Variants in OTOGL observed in about 807,000 individuals in gnomAD.
OTOGL encodes otogelin like.
OTOGL carries 285 observed loss-of-function variants against 318.5 expected under a neutral mutation model. The ratio of observed to expected loss-of-function variants is 0.89; its 90% CI spans 0.81 to 0.99. The LOEUF is 0.99. Ranked by LOEUF, OTOGL falls within the 50% of genes least tolerant of loss-of-function variation. The pLI is 0.00. For synonymous variants in OTOGL, 987 were observed against 936.5 expected, an observed-to-expected ratio of 1.05 and a Z score of -0.99; for missense variants, 2,899 against 2,845.6, an observed-to-expected ratio of 1.02 and a Z score of -0.43.
chr12:80,136,848 A>G (rs955458039), intron 1 of OTOGL, among the ~76,000 whole-genome samples: 4 of 151,768 alleles, frequency 2.6e-5, no homozygotes, highest in Admixed American at 2.6e-4. Context: ...TTGTTTATTT[A>G]TATTTATTTC....
chr12:80,299,381 C>T (rs1885609904), intron 27 of OTOGL, among the ~76,000 whole-genome samples: 1 of 152,146 alleles, frequency 6.6e-6, no homozygotes, highest in Non-Finnish European at 1.5e-5. Flanking sequence ...CAGTATGACA[C>T]ATCTTTGAAG....
intron 49 of OTOGL, among the ~76,000 whole-genome samples, chr12:80,357,791 G>C (rs1592752327): frequency 6.6e-6 from 1 of 152,216 alleles, no homozygotes; most frequent in African/African-American, 2.4e-5. Flanking sequence ...TTTAAAGATA[G>C]TCACTCAAAA....
At chr12:80,110,236 T>A (rs1869755591) in intron 1 of OTOGL, among the ~76,000 whole-genome samples, 1 of 152,074 alleles carries the variant, frequency 6.6e-6, no homozygotes, top group African/African-American at 2.4e-5. Flanking sequence ...CCCGGCTAAT[T>A]TTTTGTATTT....
rs572394743 is a variant in OTOGL at position 80,152,943 on chromosome 12, C to G, written c.-20+53338C>G. Among the ~76,000 whole-genome samples the G allele has an allele frequency of 2.2e-3, 336 of 152,332 alleles. 1 individual carries two copies. In the Middle Eastern group the frequency reaches 0.027, roughly 12 times the overall value. On this transcript the variant is annotated intron_variant, in intron 1 of 58. Coordinates refer to ENST00000547103, the MANE Select transcript of OTOGL (RefSeq NM_001378609.3). The stretch of plus-strand genomic sequence containing the variant: ...TCGTAACCTCAGGTGGTCCACCTGC[C>G]TCGGCCTCCCAAAGTGCTGGGATTA...
chr12:80,272,342 ATGTGTGTGTGTGTGTGTGTG>A (rs56364698), intron 24 of OTOGL, among the ~76,000 whole-genome samples: 18 of 145,604 alleles, frequency 1.2e-4, no homozygotes, highest in African/African-American at 3.3e-4. Context: ...AGGCATTGTG[ATGTGTGTGTGTGTGTGTGTG>A]TGTGTGTGTG....
intron 27 of OTOGL, among the ~76,000 whole-genome samples, chr12:80,297,434 C>T (rs541431969): frequency 9.2e-5 from 14 of 151,612 alleles, no homozygotes; most frequent in Admixed American, 3.9e-4. Flanking sequence ...TGGGTTCCAG[C>T]GATTCTCTTG....
chr12:80,209,606 T>C (rs1877086309), intron 2 of OTOGL, 96 bp downstream of exon 2: 7 of 771,616 alleles, frequency 9.1e-6, no homozygotes, highest in African/African-American at 1.7e-5. Flanking sequence ...CACTTTGAAG[T>C]CATTAGAATG....
chr12:80,258,370 C>A (rs976507250), intron 18 of OTOGL, among the ~76,000 whole-genome samples: 2 of 151,958 alleles, frequency 1.3e-5, no homozygotes, highest in East Asian at 1.9e-4. Context: ...CCTAAAAAAA[C>A]CAAACAAATA....
At chr12:80,169,824 C>T (rs1874069083) in intron 1 of OTOGL, among the ~76,000 whole-genome samples, 1 of 152,146 alleles carries the variant, frequency 6.6e-6, no homozygotes, top group South Asian at 2.1e-4. Flanking sequence ...CACATCTGTC[C>T]TTATTGCATA....
intron 44 of OTOGL, among the ~76,000 whole-genome samples, chr12:80,343,006 C>G (rs750922784): frequency 6.6e-6 from 1 of 152,038 alleles, no homozygotes; most frequent in Non-Finnish European, 1.5e-5. Flanking sequence ...CTCAGCCTCC[C>G]GAGTAGCTGG....
rs1888406092 is a variant in OTOGL, at chr12:80,336,418, T to G, written c.4606T>G (p.Cys1536Gly). 1.3e-6 allele frequency: 2 copies of G among 1,596,978 alleles called. No individual in the cohort carries two copies. The highest frequency in any genetic ancestry group is 1.8e-5 in the Admixed American group (1 of 57,114). ...CCPEWECPCR[C>G]SMLSELSIIT... Reference sequence around the variant, plus strand: ...ACTTTCCACCATTTTTATAGGTCGGTGTTCCATGTTGTCAGAACTGAGCAT... The same window carrying G: ...ACTTTCCACCATTTTTATAGGTCGGGGTTCCATGTTGTCAGAACTGAGCAT... The change falls in exon 40 of 59, where the codon TGT becomes GGT. Residue 1536 changes from cysteine (C) to glycine (G), a missense_variant. By Grantham distance (159) the Cys-to-Gly change is radical. Coordinates refer to ENST00000547103, the MANE Select transcript of OTOGL (RefSeq NM_001378609.3).
chr12:80,355,859 A>G lies in OTOGL; in HGVS notation c.5717A>G (p.Asp1906Gly). 1 of 1,613,930 alleles carries G rather than the reference A, an allele frequency of 6.2e-7. No individual in the cohort carries two copies. The highest frequency in any genetic ancestry group is 8.5e-7 in the Non-Finnish European group (1 of 1,179,844). ...ATTATCCCTATAGAACCTGACTGTG[A>G]TGAAGAGCCCACGCCAGTTTGTGAA... is the stretch of plus-strand genomic sequence containing the variant. ...GSIIPIEPDC[D>G]EEPTPVCERE... Residue 1906 changes from aspartate to glycine, a missense_variant, in exon 47 of 59, where the codon GAT becomes GGT. By Grantham distance (94) the Asp-to-Gly change is moderately conservative (BLOSUM62 -1). Transcript: ENST00000547103.
rs543362799 is a variant in OTOGL at position 80,197,861 on chromosome 12, G to A, written c.-19-11552G>A. On this transcript the variant is annotated intron_variant, in intron 1 of 58. Coordinates refer to ENST00000547103, the MANE Select transcript of OTOGL (RefSeq NM_001378609.3). The stretch of plus-strand genomic sequence containing the variant: ...CTCTTTCCTCACTGGGGACTCTATC[G>A]TATGAAACCCTAAGATCTAGTCCCT... 2.6e-5 allele frequency among the ~76,000 whole-genome samples: 4 copies of A among 152,300 alleles called. No homozygotes were observed. The South Asian group carries it at 6.2e-4, about 24-fold the overall frequency.
chr12:80,234,371 C>G (rs536860229), intron 9 of OTOGL, among the ~76,000 whole-genome samples: 1 of 152,246 alleles, frequency 6.6e-6, no homozygotes, highest in South Asian at 2.1e-4. Flanking sequence ...CTGTAAAGTG[C>G]TATATAATAC....
At chr12:80,312,247 C>T in intron 30 of OTOGL, among the ~76,000 whole-genome samples, 1 of 152,028 alleles carries the variant, frequency 6.6e-6, no homozygotes, top group East Asian at 1.9e-4. Flanking sequence ...CAATCCAAAC[C>T]CAAACAAGAC....
chr12:80,275,256 C>T (rs569610254), intron 24 of OTOGL, among the ~76,000 whole-genome samples: 9 of 151,918 alleles, frequency 5.9e-5, no homozygotes, highest in East Asian at 1.9e-4. Context: ...AATATCAACA[C>T]GAACAGGAGT....
Position 80,278,236 on chromosome 12 carries a change from A to G in OTOGL, c.2750A>G (p.Tyr917Cys), listed in dbSNP as rs560766169. 9 of 1,546,476 alleles carry G rather than the reference A, an allele frequency of 5.8e-6. No individual in the cohort carries two copies. The highest frequency in any genetic ancestry group is 1.4e-5 in the African/African-American group (1 of 72,920). Reference sequence around the variant, plus strand: ...CCATGTATTTGGAAAGATTGGGAGTATCTCTCAGGAGAAGTGATTGCTACA... The same window carrying G: ...CCATGTATTTGGAAAGATTGGGAGTGTCTCTCAGGAGAAGTGATTGCTACA... ...SCPCIWKDWE[Y>C]LSGEVIATPC... The change falls in exon 25 of 59, where the codon TAT (tyrosine) becomes TGT (cysteine). Residue 917 changes from tyrosine to cysteine, a missense_variant. Transcript: ENST00000547103.
At position 80,266,546 on chromosome 12, in the gene OTOGL, G is replaced by C; in HGVS notation, c.2320G>C (p.Asp774His). The C allele has an allele frequency of 6.2e-7, 1 of 1,613,544 alleles. No individual in the cohort carries two copies. Among genetic ancestry groups the C allele is most frequent in the Non-Finnish European group, 8.5e-7 (1 of 1,179,720 alleles). ...CTCTTCCCCGGAGCAGTGCAGTGAT[G>C]ACTGTGCTGAAGGCTGTAATTGTCC... ...SLSSPEQCSD[D>H]CAEGCNCPEG... The change falls in exon 21 of 59, where the codon GAC (aspartate) becomes CAC (histidine). Residue 774 changes from aspartate (D) to histidine (H), a missense_variant. This residue lies in a region of OTOGL where 2,607 missense variants were observed against 2,524.9 expected (regional missense o/e 1.03). Transcript: ENST00000547103.
At chr12:80,159,883 T>C (rs1354609772) in intron 1 of OTOGL, among the ~76,000 whole-genome samples, 1 of 152,026 alleles carries the variant, frequency 6.6e-6, no homozygotes, top group Non-Finnish European at 1.5e-5. Flanking sequence ...AACAGCGTGG[T>C]ACTTGTATAA....
Sources: gnomAD v4.1 joint callset for allele counts (sites outside exome capture counted in the v4.1 genomes callset) on GRCh38, gnomAD v4.1.1 for gene constraint, gnomAD v4.1.1 regional missense constraint, MANE v1.5 for transcripts, NCBI Gene and HGNC (gene_info 2026-07-23, HGNC 2026-07-21) for gene names.